The following B3GALT1 variants were observed in gnomAD, a reference collection of about 807,000 sequenced individuals.
The protein encoded by B3GALT1 is beta-1,3-galactosyltransferase 1.
A neutral mutation model predicts 23.2 loss-of-function variants in B3GALT1; 10 were observed. The ratio of observed to expected loss-of-function variants is 0.43; its 90% CI spans 0.27 to 0.73. The LOEUF is 0.73. B3GALT1 is among the 30% of genes least tolerant of loss of function. B3GALT1 has a pLI of 0.21. For synonymous variants in B3GALT1, 156 were observed against 141.5 expected (o/e 1.10, Z -0.73); for missense variants, 299 against 405.4 (o/e 0.74, Z 2.25).
At chr2:167,446,152 G>A (rs1698986811) in intron 1 of B3GALT1, among the ~76,000 whole-genome samples, 1 of 152,118 alleles carries the variant, frequency 6.6e-6, no homozygotes, top group African/African-American at 2.4e-5. Context: ...TGAAATTCTG[G>A]GTTGAAAATT....
At chr2:167,429,512 A>G (rs539925291) in intron 1 of B3GALT1, among the ~76,000 whole-genome samples, 2 of 152,328 alleles carry the variant, frequency 1.3e-5, no homozygotes, top group East Asian at 3.9e-4. Context: ...AGCTTAAGAC[A>G]TGTGAGAAAT....
At chr2:167,677,796 G>C (rs1381224453) in intron 3 of B3GALT1, among the ~76,000 whole-genome samples, 2 of 152,180 alleles carry the variant, frequency 1.3e-5, no homozygotes, top group African/African-American at 4.8e-5. Context: ...TCACAGTTCT[G>C]CATGGCTTGG....
intron 3 of B3GALT1, among the ~76,000 whole-genome samples, chr2:167,669,227 A>G (rs904541241): frequency 2.6e-5 from 4 of 152,204 alleles, no homozygotes; most frequent in African/African-American, 9.6e-5. Context: ...CTATTGATGT[A>G]TACTTATTGA....
chr2:167,843,231 TA>T (rs1689685261), intron 4 of B3GALT1, among the ~76,000 whole-genome samples: 1 of 152,258 alleles, frequency 6.6e-6, no homozygotes, highest in African/African-American at 2.4e-5. Flanking sequence ...GATGTATTTT[TA>T]GTCTAATTTG....
intron 2 of B3GALT1, among the ~76,000 whole-genome samples, chr2:167,555,975 T>C (rs867824786): frequency 5.3e-5 from 8 of 152,312 alleles, no homozygotes; most frequent in African/African-American, 1.7e-4. Flanking sequence ...CTATTGACTT[T>C]AGCCGAATAT....
chr2:167,866,227 G>A (rs935375133), intron 4 of B3GALT1, among the ~76,000 whole-genome samples: 14 of 152,144 alleles, frequency 9.2e-5, no homozygotes, highest in East Asian at 1.9e-4. Flanking sequence ...TTCACGTTAC[G>A]GCTAGTGTGA....
chr2:167,581,943 T>C (rs543865598), intron 2 of B3GALT1, among the ~76,000 whole-genome samples: 2 of 152,336 alleles, frequency 1.3e-5, no homozygotes, highest in South Asian at 4.1e-4. Context: ...TGCCCTGTCT[T>C]CTGTGCATAT....
At chr2:167,774,083 A>G (rs917237975) in intron 3 of B3GALT1, among the ~76,000 whole-genome samples, 4 of 152,206 alleles carry the variant, frequency 2.6e-5, no homozygotes, top group Non-Finnish European at 4.4e-5. Flanking sequence ...ACGTTTTTTC[A>G]TAACCTGATA....
At chr2:167,865,623 C>T (rs1208130488) in intron 4 of B3GALT1, among the ~76,000 whole-genome samples, 1 of 152,010 alleles carries the variant, frequency 6.6e-6, no homozygotes. Context: ...AACCCCGTCT[C>T]TACTAAAAAA....
At chr2:167,586,448 C>T (rs1375188757) in intron 2 of B3GALT1, among the ~76,000 whole-genome samples, 5 of 152,072 alleles carry the variant, frequency 3.3e-5, no homozygotes, top group Non-Finnish European at 7.4e-5. Context: ...TACAGGTGCC[C>T]GTCACCATGC....
At chr2:167,761,214 A>G (rs1159573387) in intron 3 of B3GALT1, among the ~76,000 whole-genome samples, 1 of 152,190 alleles carries the variant, frequency 6.6e-6, no homozygotes, top group African/African-American at 2.4e-5. Flanking sequence ...TTTCAGTAGC[A>G]GGTCTTTTTT....
chr2:167,590,358 A>G (rs1019998071), intron 2 of B3GALT1, among the ~76,000 whole-genome samples: 1 of 151,660 alleles, frequency 6.6e-6, no homozygotes, highest in African/African-American at 2.4e-5. Flanking sequence ...AAAAAAAAAA[A>G]AAAAAAAAGG....
intron 3 of B3GALT1, among the ~76,000 whole-genome samples, chr2:167,725,489 C>G (rs1000062283): frequency 6.6e-6 from 1 of 152,154 alleles, no homozygotes; most frequent in East Asian, 1.9e-4. Flanking sequence ...AATTTCTTAT[C>G]TTTTATAATA....
chr2:167,383,604 A>G (rs1338361234), intron 1 of B3GALT1, among the ~76,000 whole-genome samples: 2 of 152,198 alleles, frequency 1.3e-5, no homozygotes, highest in Non-Finnish European at 2.9e-5. Context: ...TCCTCCACTG[A>G]GATGGGATCA....
intron 2 of B3GALT1, among the ~76,000 whole-genome samples, chr2:167,555,304 C>G (rs1396578160): frequency 6.6e-6 from 1 of 152,168 alleles, no homozygotes; most frequent in East Asian, 1.9e-4. Flanking sequence ...TCACCATAGT[C>G]TCACATAGTG....
intron 3 of B3GALT1, among the ~76,000 whole-genome samples, chr2:167,693,120 G>A (rs1003923231): frequency 2.6e-5 from 4 of 151,926 alleles, no homozygotes; most frequent in African/African-American, 9.7e-5. Flanking sequence ...AGCCAAATGA[G>A]AATTCACAAC....
At chr2:167,324,263 G>A (rs1696856318) in intron 1 of B3GALT1, among the ~76,000 whole-genome samples, 1 of 151,906 alleles carries the variant, frequency 6.6e-6, no homozygotes, top group East Asian at 1.9e-4. Flanking sequence ...TTTTTTATTA[G>A]CTTAATAGTT....
chr2:167,865,684 T>C (rs1055107147), intron 4 of B3GALT1, among the ~76,000 whole-genome samples: 5 of 151,814 alleles, frequency 3.3e-5, no homozygotes, highest in South Asian at 2.1e-4. Flanking sequence ...CCCAGCTACT[T>C]GGGAGGCTGA....
At chr2:167,799,731 G>A (rs1380918348) in intron 3 of B3GALT1, among the ~76,000 whole-genome samples, 2 of 152,096 alleles carry the variant, frequency 1.3e-5, no homozygotes, top group Non-Finnish European at 2.9e-5. Context: ...GGCTCTTAGT[G>A]GTTTTATTTC....
Sources: gnomAD v4.1 joint callset for allele counts (sites outside exome capture counted in the v4.1 genomes callset) on GRCh38, gnomAD v4.1.1 for gene constraint, MANE v1.5 for transcripts, NCBI Gene and HGNC (gene_info 2026-07-23, HGNC 2026-07-21) for gene names.